Variants in ERC2 observed in about 807,000 individuals in gnomAD.
The protein encoded by ERC2 is ELKS/RAB6-interacting/CAST family member 2.
In ERC2, 42 loss-of-function variants were observed where a neutral mutation model predicts 114.8. The ratio of observed to expected loss-of-function variants is 0.37; its 90% CI spans 0.29 to 0.47. The LOEUF is 0.47. ERC2 is among the 20% of genes least tolerant of loss of function. The pLI is 0.99. For synonymous variants in ERC2, 454 were observed against 425.5 expected, an observed-to-expected ratio of 1.07 and a Z score of -0.82; for missense variants, 939 against 1,150.7, an observed-to-expected ratio of 0.82 and a Z score of 2.66.
At chr3:55,609,148 C>T (rs1022963960) in intron 17 of ERC2, among the ~76,000 whole-genome samples, 2 of 151,336 alleles carry the variant, frequency 1.3e-5, no homozygotes, top group African/African-American at 4.9e-5. Flanking sequence ...AGACCTAAGT[C>T]TTCCACCACA....
chr3:56,226,023 G>C (rs1326653941), intron 3 of ERC2, among the ~76,000 whole-genome samples: 2 of 152,170 alleles, frequency 1.3e-5, no homozygotes, highest in Non-Finnish European at 2.9e-5. Context: ...TATCGCGACA[G>C]AGATGCTTTC....
chr3:55,605,996 C>T (rs1371187687), intron 17 of ERC2, among the ~76,000 whole-genome samples: 2 of 152,096 alleles, frequency 1.3e-5, no homozygotes, highest in African/African-American at 4.8e-5. Context: ...AAAAGTCAGA[C>T]CCAGGAGAGT....
chr3:55,886,443 T>C (rs1334832570), intron 14 of ERC2, among the ~76,000 whole-genome samples: 1 of 152,234 alleles, frequency 6.6e-6, no homozygotes, highest in Non-Finnish European at 1.5e-5. Flanking sequence ...TATTGTTTTC[T>C]AGGAAATGAA....
chr3:56,334,469 T>C (rs2057765215), intron 2 of ERC2, among the ~76,000 whole-genome samples: 1 of 152,244 alleles, frequency 6.6e-6, no homozygotes, highest in Non-Finnish European at 1.5e-5. Flanking sequence ...CATCCTCATT[T>C]TGCTTGGGCT....
At chr3:56,447,625 G>A (rs1052922362) in intron 1 of ERC2, among the ~76,000 whole-genome samples, 9 of 151,804 alleles carry the variant, frequency 5.9e-5, no homozygotes, top group African/African-American at 2.2e-4. Context: ...ATAAAATATA[G>A]AGATTATATT....
At chr3:55,597,147 G>A (rs1413082892) in intron 17 of ERC2, among the ~76,000 whole-genome samples, 1 of 152,148 alleles carries the variant, frequency 6.6e-6, no homozygotes, top group Non-Finnish European at 1.5e-5. Flanking sequence ...TTGGCCGGGC[G>A]CGGTGGCTCA....
At chr3:55,827,420 A>C (rs922473868) in intron 14 of ERC2, among the ~76,000 whole-genome samples, 4 of 151,978 alleles carry the variant, frequency 2.6e-5, no homozygotes, top group Non-Finnish European at 5.9e-5. Flanking sequence ...GAAAGAGGGA[A>C]GAAAAGAGAG....
At chr3:56,120,531 T>G (rs1056886407) in intron 6 of ERC2, among the ~76,000 whole-genome samples, 2 of 152,102 alleles carry the variant, frequency 1.3e-5, no homozygotes, top group African/African-American at 4.8e-5. Flanking sequence ...ATTGAGGAGG[T>G]GGGAGGTTTT....
intron 3 of ERC2, among the ~76,000 whole-genome samples, chr3:56,279,159 C>T (rs373758916): frequency 3.7e-4 from 56 of 152,248 alleles, no homozygotes; most frequent in African/African-American, 1.3e-3. Context: ...TCTGATCCTT[C>T]ACAAAAGAAC....
chr3:56,465,735 ATATTT>A (rs2063515756), intron 1 of ERC2, among the ~76,000 whole-genome samples: 1 of 152,266 alleles, frequency 6.6e-6, no homozygotes, highest in Admixed American at 6.5e-5. Context: ...TATATTTTTT[ATATTT>A]TATTATGTTT....
At position 55,774,988 on chromosome 3, in the gene ERC2, A is replaced by C. The variant is rs112793617; in HGVS notation, c.2565-40070T>G. Among the ~76,000 whole-genome samples, 526 of 152,306 alleles carry C rather than the reference A, an allele frequency of 3.5e-3. 4 individuals carry two copies. The highest frequency in any genetic ancestry group is 0.012 in the African/African-American group (499 of 41,574). ...AACACTGATTCTCACTCCCAGGTCTAACTAAAGAACAAATTTTAATTCAAT... is the reference window on the plus strand; with the variant it reads ...AACACTGATTCTCACTCCCAGGTCTCACTAAAGAACAAATTTTAATTCAAT... On this transcript the variant is annotated intron_variant, in intron 14 of 17. Transcript: ENST00000288221.
At chr3:56,035,251 C>T (rs771564238) in intron 7 of ERC2, among the ~76,000 whole-genome samples, 19 of 152,010 alleles carry the variant, frequency 1.2e-4, no homozygotes, top group African/African-American at 2.7e-4. Context: ...TTTAGAAACA[C>T]GTAACCTACC....
At chr3:55,663,619 C>G (rs1405843909) in intron 17 of ERC2, among the ~76,000 whole-genome samples, 1 of 152,204 alleles carries the variant, frequency 6.6e-6, no homozygotes, top group African/African-American at 2.4e-5. Flanking sequence ...TGGCCCCTTC[C>G]TTTCGGAGGG....
At chr3:55,654,222 T>C (rs1030663708) in intron 17 of ERC2, among the ~76,000 whole-genome samples, 3 of 152,228 alleles carry the variant, frequency 2.0e-5, no homozygotes, top group East Asian at 1.9e-4. Context: ...GGGCCACCCA[T>C]GCTAAGCATG....
intron 14 of ERC2, among the ~76,000 whole-genome samples, chr3:55,749,809 C>G (rs2066559116): frequency 6.6e-6 from 1 of 152,170 alleles, no homozygotes; most frequent in African/African-American, 2.4e-5. Flanking sequence ...TCACAATAAA[C>G]CTTGCTACTG....
At chr3:56,149,644 C>T (rs989547358) in intron 4 of ERC2, among the ~76,000 whole-genome samples, 3 of 152,006 alleles carry the variant, frequency 2.0e-5, no homozygotes, top group Non-Finnish European at 2.9e-5. Flanking sequence ...AAAATACAGA[C>T]GTAAGTGAAA....
At chr3:55,992,892 G>A (rs1283365867) in intron 10 of ERC2, among the ~76,000 whole-genome samples, 2 of 152,178 alleles carry the variant, frequency 1.3e-5, no homozygotes, top group Non-Finnish European at 2.9e-5. Context: ...GGAGGAGGAT[G>A]AGCTAATTCA....
intron 12 of ERC2, among the ~76,000 whole-genome samples, chr3:55,975,466 A>G (rs1035147744): frequency 5.3e-5 from 8 of 152,136 alleles, no homozygotes; most frequent in Non-Finnish European, 7.3e-5. Flanking sequence ...CTGTTGTGGA[A>G]ACATGGCCTT....
chr3:55,763,453 T>C (rs557650222), intron 14 of ERC2, among the ~76,000 whole-genome samples: 57 of 152,288 alleles, frequency 3.7e-4, no homozygotes, highest in African/African-American at 1.3e-3. Flanking sequence ...ATTGGTGAGA[T>C]AGATGCATCG....
Sources: allele counts gnomAD v4.1 joint callset (sites outside exome capture counted in the v4.1 genomes callset), GRCh38; gene constraint gnomAD v4.1.1; transcripts MANE v1.5; gene names NCBI Gene and HGNC (gene_info 2026-07-23, HGNC 2026-07-21).